The following CRB2 variants were observed in gnomAD, a reference collection of about 807,000 sequenced individuals.
CRB2 encodes protein crumbs homolog 2.
In CRB2, 85 loss-of-function variants were observed where a neutral mutation model predicts 110.9. That is an observed-to-expected ratio of 0.77 (90% CI 0.64 to 0.92). The LOEUF is 0.92. CRB2 is among the 40% of genes least tolerant of loss of function. The pLI is 0.00. For synonymous variants in CRB2, 907 were observed against 831.0 expected, an observed-to-expected ratio of 1.09 and a Z score of -1.57; for missense variants, 1,843 against 1,851.3, an observed-to-expected ratio of 1.00 and a Z score of 0.08.
At chr9:123,355,494 AC>A (rs1336612031), upstream of CRB2, among the ~76,000 whole-genome samples, 2 of 146,178 alleles carry the variant, frequency 1.4e-5, no homozygotes, top group Non-Finnish European at 3.0e-5. Context: ...GGAGGCAGGG[AC>A]CACCGTGGTG....
Position 123,356,207 on chromosome 9 carries a change from C to A in CRB2, c.-54C>A. 7.8e-7 allele frequency: 1 copy of A among 1,284,464 alleles called. No homozygotes were observed. Among genetic ancestry groups the A allele is most frequent in the Non-Finnish European group, 1.0e-6 (1 of 972,106 alleles). 79.6% of individuals were successfully genotyped at this position (1,284,464 alleles called of 1,614,324 possible). A position where few individuals can be genotyped will look rare whatever the true frequency, so the allele number is the denominator to read the frequency against. On this transcript the variant is annotated 5_prime_UTR_variant, in exon 1 of 13. Coordinates refer to ENST00000373631, the MANE Select transcript of CRB2 (RefSeq NM_173689.7). ...AGGGACGAGGGGGGTGCGGAGCCAG[C>A]CAGGCCGCCCTCCCGTTCTCACAGC... is the stretch of plus-strand genomic sequence containing the variant.
rs1337983855 is a variant in CRB2 at position 123,371,179 on chromosome 9, G to A, written c.2037G>A (p.Arg679=). ...CAGTGTCTTTCCTTCTCCGCACTCG[G>A]GAGTCCGCTGGCCTGTTGCTCCAGT... The part of the protein sequence containing the change: ...NLTVSFLLRT[R]ESAGLLLQFA... Residue 679 remains arginine (R), a synonymous_variant, in exon 8 of 13, where the codon CGG becomes CGA. Coordinates refer to ENST00000373631, the MANE Select transcript of CRB2 (RefSeq NM_173689.7). 6.2e-7 allele frequency: 1 copy of A among 1,613,792 alleles called. No homozygotes were observed. The highest frequency in any genetic ancestry group is 8.5e-7 in the Non-Finnish European group (1 of 1,180,022).
intron 3 of CRB2, 36 bp from the exon 4 acceptor site, chr9:123,366,191 G>A: frequency 2.9e-6 from 4 of 1,389,226 alleles, no homozygotes; most frequent in Non-Finnish European, 3.7e-6. Flanking sequence ...AGAAGGGGCA[G>A]GCGCGCGCTC....
intron 4 of CRB2, among the ~76,000 whole-genome samples, chr9:123,366,951 A>G (rs1193176080): frequency 1.3e-5 from 2 of 151,584 alleles, no homozygotes; most frequent in African/African-American, 4.8e-5. Context: ...TCTCAAAAAA[A>G]AAAAAAAAAA....
chr9:123,371,882 C>A (rs563250517), intron 8 of CRB2, among the ~76,000 whole-genome samples: 163 of 152,198 alleles, frequency 1.1e-3, no homozygotes, highest in Non-Finnish European at 1.8e-3. Context: ...ACTTGGGGAG[C>A]GGGACACGCT....
chr9:123,367,658 C>A lies in CRB2; in HGVS notation c.1026C>A (p.Phe342Leu). ...ACTGCCAGGACCTGCCCAATGGCTTCCAGTGTCACTGCCCAGATGGCTACG... is the reference window on the plus strand; with the variant it reads ...ACTGCCAGGACCTGCCCAATGGCTTACAGTGTCACTGCCCAGATGGCTACG... The part of the protein sequence containing the change: ...GGHCQDLPNG[F>L]QCHCPDGYAG... Residue 342 changes from phenylalanine (F) to leucine (L), a missense_variant, in exon 6 of 13, where the codon TTC becomes TTA. Physicochemically the swap from Phe to Leu is conservative, Grantham distance 22. Coordinates refer to ENST00000373631, the MANE Select transcript of CRB2 (RefSeq NM_173689.7). The A allele has an allele frequency of 1.3e-6, 2 of 1,565,940 alleles. No individual in the cohort carries two copies. The highest frequency in any genetic ancestry group is 8.6e-7 in the Non-Finnish European group (1 of 1,156,102).
At chr9:123,369,641 C>A (rs1163008624) in intron 6 of CRB2, among the ~76,000 whole-genome samples, 1 of 152,162 alleles carries the variant, frequency 6.6e-6, no homozygotes, top group Non-Finnish European at 1.5e-5. Context: ...AGGATTGAGG[C>A]TTGAGAGCCT....
chr9:123,368,914 G>A, intron 6 of CRB2: 3 of 1,261,922 alleles, frequency 2.4e-6, no homozygotes, highest in Non-Finnish European at 3.1e-6. Flanking sequence ...GGGGCTCTGT[G>A]GACCTTCCTG....
At chr9:123,378,798 GTTTTTTGTTTTTTTTTTTTTTTTT>G (rs1186436804), downstream of CRB2, 6 of 71,734 alleles carry the variant, frequency 8.4e-5, no homozygotes, top group East Asian at 4.8e-4. Context: ...TCGGGTGCCT[GTTTTTTGTTTTTTTTTTTTTTTTT>G]TTTTTTTTTT....
intron 4 of CRB2, among the ~76,000 whole-genome samples, chr9:123,366,672 G>T (rs2041937000): frequency 6.6e-6 from 1 of 152,206 alleles, no homozygotes; most frequent in Non-Finnish European, 1.5e-5. Context: ...GTAAGACTAG[G>T]CCGGGCGCGG....
chr9:123,356,376 G>A (rs1440337814), intron 1 of CRB2, 22 bp downstream of exon 1: 1 of 1,515,034 alleles, frequency 6.6e-7, no homozygotes. Context: ...CCCATGTCTG[G>A]AGGGGCCTGG....
intron 1 of CRB2, among the ~76,000 whole-genome samples, chr9:123,357,312 C>G (rs2041811044): frequency 1.3e-5 from 2 of 152,020 alleles, no homozygotes; most frequent in Admixed American, 6.5e-5. Flanking sequence ...TGGGAAGTCC[C>G]CTGCCCCCAC....
Position 123,371,296 on chromosome 9 carries a change from T to C in CRB2, c.2154T>C (p.Pro718=). Residue 718 remains proline (P), a synonymous_variant, in exon 8 of 13, where the codon CCT becomes CCC. Transcript: ENST00000373631. ...EVPGSPAVVL[P]GRWDDGLRHL... The stretch of plus-strand genomic sequence containing the variant: ...CGGGCAGTCCTGCTGTAGTGCTCCC[T>C]GGGCGCTGGGATGATGGGCTCCGTC... The C allele has an allele frequency of 1.2e-6, 2 of 1,613,274 alleles. No homozygotes were observed. The highest frequency in any genetic ancestry group is 1.7e-6 in the Non-Finnish European group (2 of 1,179,624).
chr9:123,371,689 C>T, intron 8 of CRB2, 111 bp downstream of exon 8: 1 of 1,479,936 alleles, frequency 6.8e-7, no homozygotes, highest in South Asian at 1.2e-5. Flanking sequence ...AACTGAGGCT[C>T]AGGAGGTGAA....
intron 8 of CRB2, among the ~76,000 whole-genome samples, chr9:123,371,898 T>C (rs1384325083): frequency 2.0e-5 from 3 of 152,138 alleles, no homozygotes; most frequent in African/African-American, 7.2e-5. Context: ...ACGCTTTTGA[T>C]CATGAACAGA....
Position 123,362,881 on chromosome 9 carries a change from G to A in CRB2, c.111G>A (p.Glu37=). Residue 37 remains glutamate (E), a synonymous_variant, in exon 2 of 13, where the codon GAG becomes GAA. Coordinates refer to ENST00000373631, the MANE Select transcript of CRB2 (RefSeq NM_173689.7). ...TTTCTACAGGGACGGTGCCTTCAGA[G>A]CCCCCCAGTGCCTGTGCCTCAGACC... ...LSLLAGTVPS[E]PPSACASDPC... 1.3e-6 allele frequency: 2 copies of A among 1,583,874 alleles called. No homozygotes were observed. The highest frequency in any genetic ancestry group is 1.7e-6 in the Non-Finnish European group (2 of 1,157,150).
chr9:123,362,226 C>G (rs935695870), intron 1 of CRB2, among the ~76,000 whole-genome samples: 2 of 152,142 alleles, frequency 1.3e-5, no homozygotes, highest in African/African-American at 4.8e-5. Context: ...AAGTTGTCCA[C>G]CCATCCTCCA....
At chr9:123,365,865 G>A (rs1478724973) in intron 2 of CRB2, 52 bp from the exon 3 acceptor site, 7 of 1,498,364 alleles carry the variant, frequency 4.7e-6, no homozygotes, top group East Asian at 2.6e-5. Context: ...GACCTCTTCC[G>A]CCCTGCTCTG....
rs989796898 is a variant in CRB2, at chr9:123,363,869, CAG to C, written c.418+686_418+687del. 5.9e-5 allele frequency among the ~76,000 whole-genome samples: 9 copies of C among 152,354 alleles called. 1 individual carries two copies. Among genetic ancestry groups the C allele is most frequent in the Admixed American group, 3.3e-4 (5 of 15,304 alleles). ...CCGAGAACATCCTGGAGCGGCTTCC[CAG>C]AGAGGCCTGAAGTCGGGAAGGAGGG... On this transcript the variant is annotated intron_variant, in intron 2 of 12. Transcript: ENST00000373631.
Sources: gnomAD v4.1 joint callset for allele counts (sites outside exome capture counted in the v4.1 genomes callset) on GRCh38, gnomAD v4.1.1 for gene constraint, MANE v1.5 for transcripts, NCBI Gene and HGNC (gene_info 2026-07-23, HGNC 2026-07-21) for gene names.